KIF26B: variants seen among roughly 807,000 people sequenced by gnomAD.
The protein encoded by KIF26B is kinesin family member 26B, also known as kinesin-like protein KIF26B.
In KIF26B, 63 loss-of-function variants were observed where a neutral mutation model predicts 151.2. That is an observed-to-expected ratio of 0.42 (90% CI 0.34 to 0.51). The LOEUF (loss-of-function observed/expected upper bound fraction) is 0.51. Among genes scored for constraint, KIF26B ranks in the 20% least tolerant of loss-of-function variants. The pLI, the probability that KIF26B is intolerant of heterozygous loss-of-function variation, is 0.07. For missense variants in KIF26B, 2,813 were observed against 2,913.6 expected (o/e 0.97, Z 0.79); for synonymous variants, 1,357 against 1,262.1 (o/e 1.08, Z -1.59).
intron 2 of KIF26B, among the ~76,000 whole-genome samples, chr1:245,346,137 G>A (rs972282221): frequency 4.0e-5 from 6 of 151,848 alleles, no homozygotes; most frequent in Admixed American, 3.9e-4. Context: ...TAGAGTCAGG[G>A]TTTCACCATC....
In KIF26B at chr1:245,516,385, G is replaced by A. The variant is rs551275292; in HGVS notation, c.1167-24382G>A. Among the ~76,000 whole-genome samples the A allele has an allele frequency of 3.9e-5, 6 of 152,300 alleles. No homozygotes were observed. In the South Asian group the frequency reaches 1.2e-3, roughly 32 times the overall value. ...TGTAGAGCCACAAGATGGCGCAGAG[G>A]ATGACATGAAATCATGTACGCGAGC... On this transcript the variant is annotated intron_variant, in intron 4 of 14. Coordinates refer to ENST00000407071, the MANE Select transcript of KIF26B (RefSeq NM_018012.4). The surrounding 1 kb of genome is among the most constrained non-coding windows in gnomAD (Gnocchi z 4.2).
chr1:245,316,075 T>G (rs1435247464), intron 2 of KIF26B, among the ~76,000 whole-genome samples: 1 of 151,934 alleles, frequency 6.6e-6, no homozygotes. Context: ...CCAGGCTTAG[T>G]GGATGACCGC....
chr1:245,312,878 C>T (rs1443423357), intron 2 of KIF26B, among the ~76,000 whole-genome samples: 1 of 152,094 alleles, frequency 6.6e-6, no homozygotes, highest in African/African-American at 2.4e-5. Flanking sequence ...TGGATGGATA[C>T]TGGCCGGGCG....
rs767207430 is a variant in KIF26B, at chr1:245,156,548, C to T, written c.330C>T (p.Ser110=). 1.9e-4 allele frequency: 292 copies of T among 1,536,328 alleles called. No individual in the cohort carries two copies. In the East Asian group the frequency reaches 2.7e-3, roughly 14 times the overall value. Residue 110 remains serine (S), a synonymous_variant, in exon 2 of 15, where the codon TCC becomes TCT. Coordinates refer to ENST00000407071, the MANE Select transcript of KIF26B (RefSeq NM_018012.4). Reference sequence around the variant, plus strand: ...GCTCTCCGGGCTTCGGCACAGGCTCCCCGGGCTCCGGCAGCGGCGGCGGCT... The same window carrying T: ...GCTCTCCGGGCTTCGGCACAGGCTCTCCGGGCTCCGGCAGCGGCGGCGGCT... ...LGGSPGFGTG[S]PGSGSGGGSS...
At chr1:245,672,253 A>G (rs1215062497) in intron 10 of KIF26B, among the ~76,000 whole-genome samples, 2 of 152,132 alleles carry the variant, frequency 1.3e-5, no homozygotes, top group Non-Finnish European at 2.9e-5. Flanking sequence ...TGCTGGAAAG[A>G]CCACTGGTCA....
chr1:245,521,019 G>A (rs1370817297), intron 4 of KIF26B, among the ~76,000 whole-genome samples: 1 of 152,076 alleles, frequency 6.6e-6, no homozygotes, highest in Non-Finnish European at 1.5e-5. Flanking sequence ...TGCTTAAGAG[G>A]TTGGACTGTG....
At chr1:245,470,466 T>A (rs1244761403) in intron 4 of KIF26B, among the ~76,000 whole-genome samples, 1 of 149,892 alleles carries the variant, frequency 6.7e-6, no homozygotes, top group Non-Finnish European at 1.5e-5. Flanking sequence ...AGTCTCACTC[T>A]GTCGCCCAGG....
intron 10 of KIF26B, among the ~76,000 whole-genome samples, chr1:245,681,520 T>A (rs2044439500): frequency 6.6e-6 from 1 of 152,124 alleles, no homozygotes; most frequent in Admixed American, 6.5e-5. Context: ...GTCTTTGGTA[T>A]GTTTTCTTGG....
intron 4 of KIF26B, among the ~76,000 whole-genome samples, chr1:245,451,460 T>G (rs1015487941): frequency 9.9e-5 from 15 of 152,030 alleles, no homozygotes; most frequent in African/African-American, 3.6e-4. Flanking sequence ...TTTTTATTTT[T>G]TAATTTATGA....
At chr1:245,513,132 C>CCACCCTCCTCCA (rs1188589611) in intron 4 of KIF26B, among the ~76,000 whole-genome samples, 5 of 151,900 alleles carry the variant, frequency 3.3e-5, no homozygotes, top group Admixed American at 6.5e-5. Context: ...GGAAGCAACC[C>CCACCCTCCTCCA]CACCCTCCTC....
intron 2 of KIF26B, among the ~76,000 whole-genome samples, chr1:245,366,168 T>C (rs1346273155): frequency 6.6e-6 from 1 of 152,150 alleles, no homozygotes; most frequent in Non-Finnish European, 1.5e-5. Flanking sequence ...CCTGGACAAA[T>C]GTTTGTTCCT....
chr1:245,491,916 A>G (rs991230506), intron 4 of KIF26B, among the ~76,000 whole-genome samples: 1 of 152,132 alleles, frequency 6.6e-6, no homozygotes, highest in Non-Finnish European at 1.5e-5. Context: ...AAAGAAAAAA[A>G]AAAAATCTGG....
intron 5 of KIF26B, among the ~76,000 whole-genome samples, chr1:245,587,031 A>AT (rs2043235361): frequency 6.6e-6 from 1 of 152,160 alleles, no homozygotes; most frequent in African/African-American, 2.4e-5. Flanking sequence ...TTGCCATCCC[A>AT]TCATACGGGT....
Position 245,572,964 on chromosome 1 carries a change from TATAA to T in KIF26B, c.1351-29609_1351-29606del, listed in dbSNP as rs2103123988. 6.6e-6 allele frequency among the ~76,000 whole-genome samples: 1 copy of T among 152,298 alleles called. No homozygotes were observed. The highest frequency in any genetic ancestry group is 2.1e-4 in the South Asian group (1 of 4,830). ...ACAGATTCTGTAGCGTAAAATTCTT[TATAA>T]ATACACATATCAATGGAGTTCTTGA... On this transcript the variant is annotated intron_variant, in intron 5 of 14. Transcript: ENST00000407071. The surrounding 1 kb of genome is among the most constrained non-coding windows in gnomAD (Gnocchi z 4.2).
chr1:245,559,026 C>G (rs554563466), intron 5 of KIF26B, among the ~76,000 whole-genome samples: 2 of 152,198 alleles, frequency 1.3e-5, no homozygotes, highest in Non-Finnish European at 2.9e-5. Flanking sequence ...TTTTCTCAGT[C>G]TTTGTGTGTG....
chr1:245,431,365 G>A (rs1430095767), intron 4 of KIF26B, among the ~76,000 whole-genome samples: 1 of 130,132 alleles, frequency 7.7e-6, no homozygotes, highest in Non-Finnish European at 1.6e-5. Flanking sequence ...TTTTTTTTGA[G>A]ACAGAGTCTT....
intron 2 of KIF26B, among the ~76,000 whole-genome samples, chr1:245,190,627 ATGTTT>A (rs747147159): frequency 1.3e-4 from 13 of 99,654 alleles, no homozygotes; most frequent in Admixed American, 6.1e-4. Context: ...TTTTCCCTGA[ATGTTT>A]TGTTTTGTTT....
chr1:245,648,492 G>A (rs961791086), intron 10 of KIF26B, among the ~76,000 whole-genome samples: 36 of 151,868 alleles, frequency 2.4e-4, no homozygotes, highest in South Asian at 6.2e-4. Flanking sequence ...AAAATTAACC[G>A]GGCATGGTGT....
At chr1:245,300,517 TA>T (rs796118752) in intron 2 of KIF26B, among the ~76,000 whole-genome samples, 93 of 151,924 alleles carry the variant, frequency 6.1e-4, no homozygotes, top group African/African-American at 2.2e-3. Flanking sequence ...ACAAATGAAT[TA>T]TTTTTTTTCT....
Sources: allele counts gnomAD v4.1 joint callset (sites outside exome capture counted in the v4.1 genomes callset), GRCh38; gene constraint gnomAD v4.1.1; non-coding constraint Gnocchi (gnomAD v3.1); transcripts MANE v1.5; gene names NCBI Gene and HGNC (gene_info 2026-07-23, HGNC 2026-07-21).